Variants in HMGB1 observed in about 807,000 individuals in gnomAD.
The protein encoded by HMGB1 is high mobility group protein B1.
For synonymous variants in HMGB1, 81 were observed against 84.0 expected, an observed-to-expected ratio of 0.96 and a Z score of 0.19; for missense variants, 79 against 253.5, an observed-to-expected ratio of 0.31 and a Z score of 4.67.
intron 1 of HMGB1, among the ~76,000 whole-genome samples, chr13:30,574,228 C>T (rs1326827224): frequency 6.6e-6 from 1 of 152,220 alleles, no homozygotes; most frequent in African/African-American, 2.4e-5. Context: ...TCCCACAGCA[C>T]TCTGTATTTT....
intron 1 of HMGB1, among the ~76,000 whole-genome samples, chr13:30,593,735 A>AT (rs1202239169): frequency 6.6e-6 from 1 of 152,244 alleles, no homozygotes; most frequent in African/African-American, 2.4e-5. Flanking sequence ...ATTTAAAAAG[A>AT]TATCTACAAC....
At chr13:30,485,146 C>T (rs917866617) in intron 1 of HMGB1, among the ~76,000 whole-genome samples, 1 of 151,628 alleles carries the variant, frequency 6.6e-6, no homozygotes, top group Admixed American at 6.6e-5. Flanking sequence ...GTTCTCCTGC[C>T]TCAGCCTCCC....
chr13:30,468,178 T>C (rs1886842200), upstream of HMGB1, among the ~76,000 whole-genome samples: 1 of 152,248 alleles, frequency 6.6e-6, no homozygotes, highest in Non-Finnish European at 1.5e-5. Flanking sequence ...TCAAGTGCAG[T>C]TAACCTTGAG....
At chr13:30,565,840 A>G (rs760231655) in intron 1 of HMGB1, among the ~76,000 whole-genome samples, 9 of 152,198 alleles carry the variant, frequency 5.9e-5, no homozygotes, top group Admixed American at 1.3e-4. Context: ...TTAAGTGTCT[A>G]CCTCACTTCC....
At chr13:30,498,670 CGAA>C (rs1566006664) in intron 1 of HMGB1, among the ~76,000 whole-genome samples, 1 of 138,930 alleles carries the variant, frequency 7.2e-6, no homozygotes, top group Non-Finnish European at 1.6e-5. Context: ...ATTATTAAGA[CGAA>C]GTCTTGCTTT....
At chr13:30,488,415 A>C (rs1464846852) in intron 1 of HMGB1, among the ~76,000 whole-genome samples, 1 of 152,156 alleles carries the variant, frequency 6.6e-6, no homozygotes, top group Non-Finnish European at 1.5e-5. Context: ...AAAATTTTAG[A>C]CCCAAAAGAT....
intron 1 of HMGB1, among the ~76,000 whole-genome samples, chr13:30,489,282 G>C (rs1209627215): frequency 1.3e-5 from 2 of 152,270 alleles, no homozygotes; most frequent in East Asian, 3.9e-4. Flanking sequence ...AGTCACTTGA[G>C]CCCAGGAATT....
intron 1 of HMGB1, among the ~76,000 whole-genome samples, chr13:30,575,732 A>G (rs1350195145): frequency 1.3e-5 from 2 of 152,208 alleles, no homozygotes; most frequent in African/African-American, 4.8e-5. Flanking sequence ...ATGATAGGAA[A>G]AAAACATAAG....
chr13:30,617,315 G>A (rs776276355), exon 1 of HMGB1: 1 of 152,202 alleles, frequency 6.6e-6, no homozygotes, highest in Non-Finnish European at 1.5e-5. Flanking sequence ...GACAGGGAGG[G>A]GCAGCTCCGT....
chr13:30,506,881 T>G (rs1887881159), intron 1 of HMGB1, among the ~76,000 whole-genome samples: 2 of 152,126 alleles, frequency 1.3e-5, no homozygotes, highest in South Asian at 4.1e-4. Flanking sequence ...CCCACACCCC[T>G]AGTTCTCATG....
chr13:30,547,729 C>T (rs538054351), intron 1 of HMGB1, among the ~76,000 whole-genome samples: 170 of 152,012 alleles, frequency 1.1e-3, no homozygotes, highest in Non-Finnish European at 1.8e-3. Context: ...CCAGCCTGGC[C>T]AATGTGGTGA....
In HMGB1 at chr13:30,523,025, A is replaced by G. The variant is rs377511823; in HGVS notation, c.-14-59331T>C. Among the ~76,000 whole-genome samples the G allele has an allele frequency of 2.0e-5, 3 of 152,322 alleles. No homozygotes were observed. The South Asian group carries it at 6.2e-4, about 32-fold the overall frequency. Reference sequence around the variant, plus strand: ...CACTGTGCCTGGCCCAACTTGCAACAAATTCTATAGCCTTGCCTTCACAGC... The same window carrying G: ...CACTGTGCCTGGCCCAACTTGCAACGAATTCTATAGCCTTGCCTTCACAGC... On this transcript the variant is annotated intron_variant, in intron 1 of 4. Coordinates refer to the HMGB1 transcript ENST00000405805.
At position 30,545,849 on chromosome 13, in the gene HMGB1, G is replaced by C. The variant is rs118115944; in HGVS notation, c.-15+70822C>G. On this transcript the variant is annotated intron_variant, in intron 1 of 4. Coordinates refer to the HMGB1 transcript ENST00000405805. Reference sequence around the variant, plus strand: ...CCTGAGTAGCTAGGACTGCAAGTGTGTGCCACCATGCCCAGCAAATTTTTG... The same window carrying C: ...CCTGAGTAGCTAGGACTGCAAGTGTCTGCCACCATGCCCAGCAAATTTTTG... 6.2e-4 allele frequency among the ~76,000 whole-genome samples: 95 copies of C among 152,164 alleles called. No homozygotes were observed. In the East Asian group the frequency reaches 0.018, roughly 29 times the overall value.
intron 1 of HMGB1, among the ~76,000 whole-genome samples, chr13:30,607,319 G>A (rs1274455740): frequency 2.0e-5 from 3 of 152,276 alleles, no homozygotes; most frequent in Non-Finnish European, 2.9e-5. Flanking sequence ...TAATCCCCAC[G>A]TGTCAAAGGA....
At chr13:30,465,094 T>A in intron 1 of HMGB1, 1 of 920,766 alleles carries the variant, frequency 1.1e-6, no homozygotes, top group Non-Finnish European at 1.3e-6. Flanking sequence ...TGCGCCCAGC[T>A]CCCCCGCCCG....
intron 1 of HMGB1, among the ~76,000 whole-genome samples, chr13:30,616,398 C>T (rs1950562871): frequency 6.6e-6 from 1 of 152,198 alleles, no homozygotes; most frequent in African/African-American, 2.4e-5. Flanking sequence ...ACAATTTTAG[C>T]TACATTTTAA....
rs1870194422 is a variant in HMGB1, at chr13:30,566,546, A to C, written c.-15+50125T>G. Among the ~76,000 whole-genome samples the C allele has an allele frequency of 2.0e-5, 3 of 152,334 alleles. No individual in the cohort carries two copies. The South Asian group carries it at 6.2e-4, about 32-fold the overall frequency. On this transcript the variant is annotated intron_variant, in intron 1 of 4. Transcript: ENST00000405805. ...TTTTGATTTTTTCCCAACCTTTTAAAGATGTAACAACCATTTTTAGCCTGT... is the reference window on the plus strand; with the variant it reads ...TTTTGATTTTTTCCCAACCTTTTAACGATGTAACAACCATTTTTAGCCTGT...
At chr13:30,614,309 A>G (rs926843010) in intron 1 of HMGB1, among the ~76,000 whole-genome samples, 1 of 152,174 alleles carries the variant, frequency 6.6e-6, no homozygotes, top group African/African-American at 2.4e-5. Flanking sequence ...ATGGGATTAC[A>G]CCCTTAGTAG....
At chr13:30,612,647 C>T (rs1362436787) in intron 1 of HMGB1, among the ~76,000 whole-genome samples, 3 of 152,286 alleles carry the variant, frequency 2.0e-5, no homozygotes, top group Non-Finnish European at 4.4e-5. Context: ...GTAAGACTAC[C>T]TATGTCCAAA....
Sources: gnomAD v4.1 joint callset for allele counts (sites outside exome capture counted in the v4.1 genomes callset) on GRCh38, gnomAD v4.1.1 for gene constraint, MANE v1.5 for transcripts, NCBI Gene and HGNC (gene_info 2026-07-23, HGNC 2026-07-21) for gene names.